Variants in TMEM69 observed in about 807,000 individuals in gnomAD.
TMEM69 encodes transmembrane protein 69.
A neutral mutation model predicts 15.8 loss-of-function variants in TMEM69; 17 were observed. The observed-to-expected ratio is 1.07, with a 90% CI of 0.73 to 1.61. The LOEUF (loss-of-function observed/expected upper bound fraction) is 1.61. TMEM69 is among the 40% of genes most tolerant of loss of function. The pLI is 0.00. For missense variants in TMEM69, 230 were observed against 286.1 expected (o/e 0.80, Z 1.41); for synonymous variants, 80 against 98.6 (o/e 0.81, Z 1.12).
intron 2 of TMEM69, among the ~76,000 whole-genome samples, 188 bp downstream of exon 2, chr1:45,691,298 C>T (rs1645343574): frequency 6.6e-6 from 1 of 152,118 alleles, no homozygotes; most frequent in Non-Finnish European, 1.5e-5. Context: ...GCCTGTAGTC[C>T]CAGCAATTTG....
chr1:45,689,402 T>C (rs1179013653), intron 1 of TMEM69, among the ~76,000 whole-genome samples: 1 of 152,166 alleles, frequency 6.6e-6, no homozygotes, highest in African/African-American at 2.4e-5. Flanking sequence ...GCTATTTACA[T>C]GTAGTAACTT....
chr1:45,688,902 GA>G (rs1645322290), intron 1 of TMEM69, among the ~76,000 whole-genome samples: 1 of 127,586 alleles, frequency 7.8e-6, no homozygotes, highest in South Asian at 2.6e-4. Context: ...TAGTTCAATC[GA>G]TTTTTTTTTT....
intron 1 of TMEM69, among the ~76,000 whole-genome samples, chr1:45,689,737 C>T (rs1645331582): frequency 6.6e-6 from 1 of 152,112 alleles, no homozygotes; most frequent in South Asian, 2.1e-4. Context: ...ACTCAGGAGG[C>T]TGAGGCAGGA....
chr1:45,693,451 C>A lies in TMEM69; in HGVS notation c.290C>A (p.Ala97Glu). The A allele has an allele frequency of 6.2e-7, 1 of 1,614,224 alleles. No individual in the cohort carries two copies. The highest frequency in any genetic ancestry group is 1.1e-5 in the South Asian group (1 of 91,082). The change falls in exon 3 of 3, where the codon GCA becomes GAA. Residue 97 changes from alanine (A) to glutamate (E), a missense_variant. Coordinates refer to ENST00000372025, the MANE Select transcript of TMEM69 (RefSeq NM_016486.4). ...TACCTAACTGACAGCCCAAAGCCAGCATTATGTGTAACTCTGGCAGGACTA... is the reference window on the plus strand; with the variant it reads ...TACCTAACTGACAGCCCAAAGCCAGAATTATGTGTAACTCTGGCAGGACTA... ...ITYLTDSPKP[A>E]LCVTLAGLIP...
At chr1:45,690,235 C>G (rs1489204674) in intron 1 of TMEM69, among the ~76,000 whole-genome samples, 2 of 152,204 alleles carry the variant, frequency 1.3e-5, no homozygotes, top group Non-Finnish European at 2.9e-5. Context: ...GGCGCGGTGG[C>G]TCATGCCTGT....
intron 2 of TMEM69, 119 bp downstream of exon 2, chr1:45,691,229 T>C (rs1436073420): frequency 1.2e-6 from 1 of 838,888 alleles, no homozygotes; most frequent in Non-Finnish European, 2.0e-6. Context: ...GAGGGAAGAG[T>C]TAAGTAAAAT....
At chr1:45,691,206 T>A (rs958615394) in intron 2 of TMEM69, 96 bp downstream of exon 2, 12 of 1,015,634 alleles carry the variant, frequency 1.2e-5, no homozygotes, top group South Asian at 2.6e-5. Flanking sequence ...TACCCTTGTA[T>A]ATTCAGGTGA....
Position 45,688,291 on chromosome 1 carries a change from G to C in TMEM69, c.-96+16G>C, listed in dbSNP as rs1645315293. 6.6e-6 allele frequency: 1 copy of C among 152,176 alleles called. No individual in the cohort carries two copies. The highest frequency in any genetic ancestry group is 2.4e-5 in the African/African-American group (1 of 41,390). 9.4% of individuals were successfully genotyped at this position (152,176 alleles called of 1,614,324 possible). On this transcript the variant is annotated intron_variant, in intron 1 of 2. Transcript: ENST00000372025. ...GTCGCCACAGGTGCAGGTTGGGATG[G>C]GAGGCACCAAGGGTTGGTAGTAAAT...
At chr1:45,689,914 G>A (rs536949131) in intron 1 of TMEM69, among the ~76,000 whole-genome samples, 50 of 152,006 alleles carry the variant, frequency 3.3e-4, no homozygotes, top group Non-Finnish European at 3.2e-4. Context: ...AAGATCCCTC[G>A]ATCCCGGGAG....
intron 2 of TMEM69, among the ~76,000 whole-genome samples, chr1:45,692,142 G>A (rs1038065102): frequency 2.0e-5 from 3 of 152,070 alleles, no homozygotes; most frequent in Non-Finnish European, 2.9e-5. Context: ...GCAAAACTCG[G>A]TCTCAAAAAA....
chr1:45,693,200 G>T lies in TMEM69; in HGVS notation c.43-4G>T. On this transcript the variant is annotated splice_polypyrimidine_tract_variant and splice_region_variant and intron_variant, in intron 2 of 2. Coordinates refer to ENST00000372025, the MANE Select transcript of TMEM69 (RefSeq NM_016486.4). ...TTTGTCTTTTGGTTCTATTTTCTTT[G>T]TAGATACTGAAGTACTCTTTCCCAG... is the stretch of plus-strand genomic sequence containing the variant. 1 of 1,568,256 alleles carries T rather than the reference G, an allele frequency of 6.4e-7. No individual in the cohort carries two copies. Among genetic ancestry groups the T allele is most frequent in the Non-Finnish European group, 8.6e-7 (1 of 1,157,690 alleles).
chr1:45,693,583 G>T lies in TMEM69; in HGVS notation c.422G>T (p.Gly141Val), dbSNP rs1252031885. The change falls in exon 3 of 3, where the codon GGT (glycine) becomes GTT (valine). Residue 141 changes from glycine to valine, a missense_variant. Transcript: ENST00000372025. The part of the protein sequence containing the change: ...AYGASFLSFL[G>V]GIRWGFALPE... Reference sequence around the variant, plus strand: ...GGAGCCAGTTTCCTATCTTTCTTGGGTGGGATCAGATGGGGTTTTGCTCTA... The same window carrying T: ...GGAGCCAGTTTCCTATCTTTCTTGGTTGGGATCAGATGGGGTTTTGCTCTA... 6.2e-7 allele frequency: 1 copy of T among 1,614,168 alleles called. No homozygotes were observed. Among genetic ancestry groups the T allele is most frequent in the African/African-American group, 1.3e-5 (1 of 75,054 alleles).
Position 45,693,468 on chromosome 1 carries a change from G to A in TMEM69, c.307G>A (p.Ala103Thr). Residue 103 changes from alanine (A) to threonine (T), a missense_variant, in exon 3 of 3, where the codon GCA becomes ACA. Transcript: ENST00000372025. ...SPKPALCVTL[A>T]GLIPFVAPPL... ...AAAGCCAGCATTATGTGTAACTCTG[G>A]CAGGACTAATCCCCTTCGTTGCTCC... The A allele has an allele frequency of 6.2e-7, 1 of 1,614,156 alleles. No individual in the cohort carries two copies. The highest frequency in any genetic ancestry group is 8.5e-7 in the Non-Finnish European group (1 of 1,180,042).
At chr1:45,691,480 C>A (rs1392933222) in intron 2 of TMEM69, among the ~76,000 whole-genome samples, 2 of 151,582 alleles carry the variant, frequency 1.3e-5, no homozygotes, top group Admixed American at 1.3e-4. Context: ...GAGGTTGAGG[C>A]TGCAGTGAGC....
rs1306903978 is a variant in TMEM69 at position 45,693,261 on chromosome 1, C to G, written c.100C>G (p.Leu34Val). The G allele has an allele frequency of 1.2e-6, 2 of 1,614,154 alleles. No individual in the cohort carries two copies. The highest frequency in any genetic ancestry group is 1.7e-5 in the Admixed American group (1 of 60,014). The change falls in exon 3 of 3, where the codon CTC becomes GTC. Residue 34 changes from leucine to valine, a missense_variant. Physicochemically the swap from Leu to Val is conservative, Grantham distance 32. Transcript: ENST00000372025. ...LRTSRTDILS[L>V]KMSLQQNFSP... Reference sequence around the variant, plus strand: ...AACCAGCAGAACAGATATACTTTCTCTCAAGATGTCTCTCCAGCAAAACTT... The same window carrying G: ...AACCAGCAGAACAGATATACTTTCTGTCAAGATGTCTCTCCAGCAAAACTT...
chr1:45,694,145 T>C lies in TMEM69; in HGVS notation c.*240T>C. 5.8e-6 allele frequency: 1 copy of C among 171,050 alleles called. No individual in the cohort carries two copies. Among genetic ancestry groups the C allele is most frequent in the Non-Finnish European group, 1.1e-5 (1 of 94,438 alleles). 10.6% of individuals were successfully genotyped at this position (171,050 alleles called of 1,614,324 possible). A position where few individuals can be genotyped will look rare whatever the true frequency, so the allele number is the denominator to read the frequency against. ...TTTTTAGTTAAAAGTTTTAAAAATA[T>C]ATATATATAAATACACTGTAGATAA... On this transcript the variant is annotated 3_prime_UTR_variant, in exon 3 of 3. Transcript: ENST00000372025.
rs781060883 is a variant in TMEM69, at chr1:45,693,498, C to A, written c.337C>A (p.Leu113Met). 2.6e-5 allele frequency: 42 copies of A among 1,614,256 alleles called. No homozygotes were observed. Among genetic ancestry groups the A allele is most frequent in the Non-Finnish European group, 3.6e-5 (42 of 1,180,052 alleles). The change falls in exon 3 of 3, where the codon CTG (leucine) becomes ATG (methionine). Residue 113 changes from leucine to methionine, a missense_variant. Physicochemically the swap from Leu to Met is conservative, Grantham distance 15 (BLOSUM62 2). Transcript: ENST00000372025. ...ACTAATCCCCTTCGTTGCTCCACCA[C>A]TGGTCATGCTGATGACAAAAACTTA... Reference protein sequence around the residue: ...AGLIPFVAPPLVMLMTKTYIP... With the variant: ...AGLIPFVAPPMVMLMTKTYIP...
chr1:45,694,063 C>A lies in TMEM69; in HGVS notation c.*158C>A. ...AACCTTCCACGTGTGAAGTGACAGC[C>A]TTGTGTGTGATCTTTTCTGTCTTCC... On this transcript the variant is annotated 3_prime_UTR_variant, in exon 3 of 3. Transcript: ENST00000372025. 1 of 506,518 alleles carries A rather than the reference C, an allele frequency of 2.0e-6. No homozygotes were observed. The highest frequency in any genetic ancestry group is 3.2e-5 in the South Asian group (1 of 31,270). The allele number at this position is 506,518 out of a possible 1,614,324, so 31.4% of individuals were successfully genotyped here.
rs756946219 is a variant in TMEM69, at chr1:45,693,798, G to T, written c.637G>T (p.Ala213Ser). 6.2e-7 allele frequency: 1 copy of T among 1,614,138 alleles called. No individual in the cohort carries two copies. Among genetic ancestry groups the T allele is most frequent in the Non-Finnish European group, 8.5e-7 (1 of 1,180,034 alleles). The change falls in exon 3 of 3, where the codon GCC becomes TCC. Residue 213 changes from alanine to serine, a missense_variant. Ala to Ser is a moderately conservative substitution (Grantham distance 99). Coordinates refer to ENST00000372025, the MANE Select transcript of TMEM69 (RefSeq NM_016486.4). ...LLPHYPNWFK[A>S]LRIVVTLLAT... is the part of the protein sequence containing the mutation. ...ACCACATTATCCCAACTGGTTTAAA[G>T]CCCTGAGGATAGTAGTCACTTTATT...
Sources: allele counts gnomAD v4.1 joint callset (sites outside exome capture counted in the v4.1 genomes callset), GRCh38; gene constraint gnomAD v4.1.1; transcripts MANE v1.5; gene names NCBI Gene and HGNC (gene_info 2026-07-23, HGNC 2026-07-21).